SLC17A9: variants seen among roughly 807,000 people sequenced by gnomAD.
The protein encoded by SLC17A9 is solute carrier family 17 member 9, also known as voltage-gated purine nucleotide uniporter SLC17A9.
A neutral mutation model predicts 55.0 loss-of-function variants in SLC17A9; 49 were observed. The observed-to-expected ratio is 0.89, with a 90% CI of 0.71 to 1.13. The LOEUF is 1.13. Among genes scored for constraint, SLC17A9 ranks in the 50% most tolerant of loss-of-function variants. The pLI is 0.00. For missense variants in SLC17A9, 526 were observed against 569.3 expected, an observed-to-expected ratio of 0.92 and a Z score of 0.77; for synonymous variants, 256 against 247.4, an observed-to-expected ratio of 1.03 and a Z score of -0.32.
chr20:62,966,715 C>T lies in SLC17A9; in HGVS notation c.1130C>T (p.Thr377Ile), dbSNP rs1236406222. ...CAGFLFGVAN[T>I]AGALAGVVGV... ...GGCCTCTTCACAGGTGTGGCCAACACAGCCGGGGCCTTGGCAGGTGAGGGG... is the reference window on the plus strand; with the variant it reads ...GGCCTCTTCACAGGTGTGGCCAACATAGCCGGGGCCTTGGCAGGTGAGGGG... Residue 377 changes from threonine to isoleucine, a missense_variant, in exon 12 of 13, where the codon ACA becomes ATA. Coordinates refer to ENST00000370351, the MANE Select transcript of SLC17A9 (RefSeq NM_022082.4). 2 of 1,612,330 alleles carry T rather than the reference C, an allele frequency of 1.2e-6. No homozygotes were observed. Among genetic ancestry groups the T allele is most frequent in the South Asian group, 1.1e-5 (1 of 90,874 alleles).
chr20:62,966,829 G>T (rs1461037281), intron 12 of SLC17A9, 97 bp downstream of exon 12: 1 of 1,479,208 alleles, frequency 6.8e-7, no homozygotes, highest in Admixed American at 2.2e-5. Flanking sequence ...CTTCAGAGGG[G>T]GTCCGGGTGT....
chr20:62,957,867 G>GT (rs1491304336), intron 3 of SLC17A9, among the ~76,000 whole-genome samples: 1 of 46,610 alleles, frequency 2.1e-5, no homozygotes, highest in East Asian at 2.7e-3. Context: ...GCGTGTGCAA[G>GT]TGTGTGTATG....
rs749919608 is a variant in SLC17A9 at position 62,956,806 on chromosome 20, C to T, written c.101C>T (p.Thr34Ile). 23 of 1,612,706 alleles carry T rather than the reference C, an allele frequency of 1.4e-5. No individual in the cohort carries two copies. The African/African-American group carries it at 2.1e-4, about 15-fold the overall frequency. ...QAWTGTLLLG[T>I]CLLYCARSSM... The stretch of plus-strand genomic sequence containing the variant: ...TGGACGGGGACGCTGCTGCTGGGCA[C>T]ATGCCTTCTGTACTGCGCCCGCTCC... Residue 34 changes from threonine to isoleucine, a missense_variant, in exon 2 of 13, where the codon ACA becomes ATA. Coordinates refer to ENST00000370351, the MANE Select transcript of SLC17A9 (RefSeq NM_022082.4).
At chr20:62,954,960 C>T (rs2147643205) in intron 1 of SLC17A9, among the ~76,000 whole-genome samples, 1 of 152,166 alleles carries the variant, frequency 6.6e-6, no homozygotes, top group East Asian at 1.9e-4. Flanking sequence ...GGTCCCCCAC[C>T]TCCCCCCCTT....
In SLC17A9 at chr20:62,952,844, C is replaced by G; in HGVS notation, c.14C>G (p.Pro5Arg). 1 of 1,528,182 alleles carries G rather than the reference C, an allele frequency of 6.5e-7. No individual in the cohort carries two copies. The highest frequency in any genetic ancestry group is 8.7e-7 in the Non-Finnish European group (1 of 1,143,566). 94.7% of individuals were successfully genotyped at this position (1,528,182 alleles called of 1,614,324 possible). A position where few individuals can be genotyped will look rare whatever the true frequency, so the allele number is the denominator to read the frequency against. Reference protein sequence around the residue: MQPPPDEARRDMAGD... With the variant: MQPPRDEARRDMAGD... The stretch of plus-strand genomic sequence containing the variant: ...ACCCCAAGCCCGATGCAGCCACCCC[C>G]AGACGAGGCCCGCAGGGACATGGCC... Residue 5 changes from proline to arginine, a missense_variant, in exon 1 of 13, where the codon CCA becomes CGA. Coordinates refer to ENST00000370351, the MANE Select transcript of SLC17A9 (RefSeq NM_022082.4).
rs952355738 is a variant in SLC17A9 at position 62,968,355 on chromosome 20, G to T, written c.*855G>T. The T allele has an allele frequency of 6.6e-6, 1 of 152,290 alleles. No homozygotes were observed. 9.4% of individuals were successfully genotyped at this position (152,290 alleles called of 1,614,324 possible). ...AACCCGCATGGCTTTCCCAGGCCTG[G>T]TGATTCTGCTCTCCAGGGACGGTTG... On this transcript the variant is annotated 3_prime_UTR_variant, in exon 13 of 13. Coordinates refer to ENST00000370351, the MANE Select transcript of SLC17A9 (RefSeq NM_022082.4).
rs1167634934 is a variant in SLC17A9 at position 62,962,051 on chromosome 20, C to T, written c.498-573C>T. On this transcript the variant is annotated intron_variant, in intron 4 of 12. Coordinates refer to ENST00000370351, the MANE Select transcript of SLC17A9 (RefSeq NM_022082.4). This position sits in a 1 kb window ranked among gnomAD's most constrained non-coding sequence, Gnocchi z 5.5. The stretch of plus-strand genomic sequence containing the variant: ...GGTGCCAGTGGAGGGGCCTCAGCAG[C>T]AGATGGGGGCTGGGCCGCCAGCCAG... Among the ~76,000 whole-genome samples the T allele has an allele frequency of 6.6e-6, 1 of 152,214 alleles. No individual in the cohort carries two copies. Among genetic ancestry groups the T allele is most frequent in the Non-Finnish European group, 1.5e-5 (1 of 68,038 alleles).
chr20:62,957,635 AGG>A, intron 3 of SLC17A9, 55 bp downstream of exon 3: 1 of 1,442,398 alleles, frequency 6.9e-7, no homozygotes, highest in Non-Finnish European at 9.2e-7. Context: ...TGGGGAGACA[AGG>A]GGGGTGTGCA....
chr20:62,963,286 C>T lies in SLC17A9; in HGVS notation c.642C>T (p.Ala214=), dbSNP rs368480564. The T allele has an allele frequency of 9.3e-5, 150 of 1,613,746 alleles. 1 individual carries two copies. In the African/African-American group the frequency reaches 1.9e-3, roughly 20 times the overall value. Reference sequence around the variant, plus strand: ...TTGCTCCCTCAGATCTCATCCTGGCCTTGGGTGTCCTGGCCCAAAGCCGGC... The same window carrying T: ...TTGCTCCCTCAGATCTCATCCTGGCTTTGGGTGTCCTGGCCCAAAGCCGGC... ...YLLSEKDLIL[A]LGVLAQSRPV... The change falls in exon 6 of 13, where the codon GCC becomes GCT. Residue 214 remains alanine, a synonymous_variant. Transcript: ENST00000370351.
chr20:62,965,098 T>G, intron 8 of SLC17A9, 34 bp from the exon 9 acceptor site: 2 of 1,613,858 alleles, frequency 1.2e-6, no homozygotes, highest in Non-Finnish European at 1.7e-6. Context: ...ACGAAAGGGC[T>G]AACGGGAGCC....
rs1297886699 is a variant in SLC17A9 at position 62,958,424 on chromosome 20, G to A, written c.397+844G>A. On this transcript the variant is annotated intron_variant, in intron 3 of 12. Coordinates refer to ENST00000370351, the MANE Select transcript of SLC17A9 (RefSeq NM_022082.4). The surrounding 1 kb of genome is among the most constrained non-coding windows in gnomAD (Gnocchi z 4.1). ...ACTGTCAGGAGAACAAGGTGGGTGG[G>A]GGGGCCAAGGGGGCTTTGAGGGGCC... Among the ~76,000 whole-genome samples the A allele has an allele frequency of 1.3e-5, 2 of 152,070 alleles. No homozygotes were observed. Among genetic ancestry groups the A allele is most frequent in the Non-Finnish European group, 2.9e-5 (2 of 67,980 alleles).
Position 62,967,718 on chromosome 20 carries a change from A to G in SLC17A9, c.*218A>G. The G allele has an allele frequency of 1.9e-6, 1 of 526,538 alleles. No homozygotes were observed. Among genetic ancestry groups the G allele is most frequent in the Non-Finnish European group, 3.3e-6 (1 of 301,296 alleles). The allele number at this position is 526,538 out of a possible 1,614,324, so 32.6% of individuals were successfully genotyped here. ...CCAGGCTCGCTGCTCTCTGGGCCTC[A>G]GTTTCCCCACCTGCCAGCGGGCTCG... is the stretch of plus-strand genomic sequence containing the variant. On this transcript the variant is annotated 3_prime_UTR_variant, in exon 13 of 13. Transcript: ENST00000370351.
chr20:62,965,758 C>G (rs574858588), intron 10 of SLC17A9, 33 bp downstream of exon 10: 9 of 1,603,146 alleles, frequency 5.6e-6, no homozygotes, highest in Non-Finnish European at 6.8e-6. Flanking sequence ...ACCAGAGCGC[C>G]GTGCTGCCCG....
intron 12 of SLC17A9, 61 bp downstream of exon 12, chr20:62,966,793 G>A: frequency 6.3e-7 from 1 of 1,577,034 alleles, no homozygotes; most frequent in South Asian, 1.2e-5. Flanking sequence ...GGCCACCGAG[G>A]TGCTGCAGGG....
intron 1 of SLC17A9, among the ~76,000 whole-genome samples, chr20:62,954,926 C>T (rs112865532): frequency 0.014 from 2,064 of 152,276 alleles, 19 homozygotes; most frequent in Non-Finnish European, 0.021. Flanking sequence ...CCAGGCAGTG[C>T]GGGGCAGGTG....
chr20:62,955,777 G>A (rs188884727), intron 1 of SLC17A9, among the ~76,000 whole-genome samples: 6 of 152,350 alleles, frequency 3.9e-5, no homozygotes, highest in Admixed American at 2.0e-4. Context: ...TATCAACCAC[G>A]CCAGGACAGG....
Position 62,960,579 on chromosome 20 carries a change from T to C in SLC17A9, c.473T>C (p.Ile158Thr). ...RESERAFTYS[I>T]VGAGSQFGTL... is the part of the protein sequence containing the mutation. ...AGTGAGCGAGCCTTCACCTACAGCA[T>C]CGTGGGCGCCGGCTCCCAGTTTGGG... Residue 158 changes from isoleucine (I) to threonine (T), a missense_variant, in exon 4 of 13, where the codon ATC becomes ACC. Physicochemically the swap from Ile to Thr is moderately conservative, Grantham distance 89 (BLOSUM62 -1). Transcript: ENST00000370351. 6.2e-7 allele frequency: 1 copy of C among 1,612,650 alleles called. No individual in the cohort carries two copies. Among genetic ancestry groups the C allele is most frequent in the Non-Finnish European group, 8.5e-7 (1 of 1,179,908 alleles).
chr20:62,964,946 C>G (rs1275492808), intron 8 of SLC17A9, 186 bp from the exon 9 acceptor site: 1 of 620,750 alleles, frequency 1.6e-6, no homozygotes, highest in Admixed American at 2.9e-5. Flanking sequence ...GGCGCACATG[C>G]GGCCTCGCGG....
rs1021833005 is a variant in SLC17A9, at chr20:62,955,477, G to T, written c.60-1288G>T. 1.8e-4 allele frequency among the ~76,000 whole-genome samples: 28 copies of T among 151,794 alleles called. 1 individual carries two copies. Among genetic ancestry groups the T allele is most frequent in the East Asian group, 1.2e-3 (6 of 5,136 alleles). The stretch of plus-strand genomic sequence containing the variant: ...AATTTTTAAAGTTTTTTTTTGTTTT[G>T]TTTTGTTTTTTTTTGTAGAGCTGAG... On this transcript the variant is annotated intron_variant, in intron 1 of 12. Transcript: ENST00000370351.
Sources: allele counts gnomAD v4.1 joint callset (sites outside exome capture counted in the v4.1 genomes callset), GRCh38; gene constraint gnomAD v4.1.1; non-coding constraint Gnocchi (gnomAD v3.1); transcripts MANE v1.5; gene names NCBI Gene and HGNC (gene_info 2026-07-23, HGNC 2026-07-21).